The following IFT172 variants were observed in gnomAD, a reference collection of about 807,000 sequenced individuals.
The protein encoded by IFT172 is intraflagellar transport 172.
A neutral mutation model predicts 248.9 loss-of-function variants in IFT172; 164 were observed. The observed-to-expected ratio is 0.66, with a 90% CI of 0.58 to 0.75. IFT172 has a LOEUF of 0.75. Ranked by LOEUF, IFT172 falls within the 30% of genes least tolerant of loss-of-function variation. The pLI is 0.00. For missense variants in IFT172, 1,950 were observed against 2,192.4 expected, an observed-to-expected ratio of 0.89 and a Z score of 2.21; for synonymous variants, 729 against 791.6, an observed-to-expected ratio of 0.92 and a Z score of 1.33.
intron 35 of IFT172, chr2:27,453,053 C>T (rs554041762): frequency 2.9e-5 from 11 of 374,172 alleles, no homozygotes; most frequent in African/African-American, 1.5e-4. Context: ...CTTCACAGAG[C>T]CTTCCTGACC....
rs1346517687 is a variant in IFT172, at chr2:27,478,018, G to A, written c.1144C>T (p.Leu382=). ...ACCTCACTAAGCCGATTAGTGTTCA[G>A]GTCCCCCAGCAGCAGTGTTTCTGAT... is the stretch of plus-strand genomic sequence containing the variant. ...HTSETLLLGD[L]NTNRLSEIAW... is the part of the protein sequence containing the mutation. Residue 382 remains leucine (L), a synonymous_variant, in exon 11 of 48, where the codon CTG becomes TTG. Transcript: ENST00000260570. 33 of 1,613,984 alleles carry A rather than the reference G, an allele frequency of 2.0e-5. No homozygotes were observed. The East Asian group carries it at 6.5e-4, about 32-fold the overall frequency.
At position 27,454,307 on chromosome 2, in the gene IFT172, G is replaced by A. The variant is rs762791815; in HGVS notation, c.3530+47C>T. On this transcript the variant is annotated intron_variant, in intron 32 of 47. Coordinates refer to ENST00000260570, the MANE Select transcript of IFT172 (RefSeq NM_015662.3). This position sits in a 1 kb window ranked among gnomAD's most constrained non-coding sequence, Gnocchi z 4.2. ...TCAAGATAATCATGAAAGATCCTGG[G>A]ACGGTGACTGGGGAAACAGTATTAA... 1 of 1,611,666 alleles carries A rather than the reference G, an allele frequency of 6.2e-7. No homozygotes were observed. Among genetic ancestry groups the A allele is most frequent in the African/African-American group, 1.3e-5 (1 of 74,856 alleles).
At chr2:27,465,624 C>A (rs551064749) in intron 17 of IFT172, 106 bp from the exon 18 acceptor site, 1 of 1,536,876 alleles carries the variant, frequency 6.5e-7, no homozygotes, top group East Asian at 2.2e-5. Context: ...ATCTTTGTCT[C>A]ATCTCCTCCC....
At position 27,472,251 on chromosome 2, in the gene IFT172, C is replaced by A; in HGVS notation, c.1523G>T (p.Arg508Leu). Residue 508 changes from arginine (R) to leucine (L), a missense_variant and splice_region_variant, in exon 15 of 48, where the codon CGT becomes CTT. By Grantham distance (102) the Arg-to-Leu change is moderately radical (BLOSUM62 -2). Around this residue, in one of 3 missense-constraint regions of IFT172, gnomAD observed 1,166 missense variants for 1,254.1 expected, o/e 0.93. Transcript: ENST00000260570. ...TAAGGCCTTAGTAGCTCTTCTCACA[C>A]GAAGTTTCCGGTCCCTGAAGAGGAG... ...HKLLFRDRKL[R>L]LHLYDIESCS... 2 of 1,612,422 alleles carry A rather than the reference C, an allele frequency of 1.2e-6. No individual in the cohort carries two copies. The highest frequency in any genetic ancestry group is 1.7e-6 in the Non-Finnish European group (2 of 1,178,470).
At chr2:27,461,714 GCAGAA>G (rs1013227586) in intron 21 of IFT172, 40 bp downstream of exon 21, 37 of 1,611,368 alleles carry the variant, frequency 2.3e-5, no homozygotes, top group Non-Finnish European at 3.1e-5. Flanking sequence ...TTTGAAATTG[GCAGAA>G]CCAAATTCTG....
intron 29 of IFT172, 64 bp downstream of exon 29, chr2:27,457,574 GA>G: frequency 8.4e-6 from 12 of 1,433,442 alleles, no homozygotes; most frequent in South Asian, 1.2e-5. Context: ...GACCCTTTCT[GA>G]AAAAAAGGAA....
At chr2:27,462,862 G>T in intron 19 of IFT172, 69 bp from the exon 20 acceptor site, 1 of 1,461,212 alleles carries the variant, frequency 6.8e-7, no homozygotes, top group Non-Finnish European at 9.6e-7. Flanking sequence ...GGCTGAAATT[G>T]GAAGGCCAGA....
At chr2:27,481,913 G>A (rs1047636900) in intron 7 of IFT172, among the ~76,000 whole-genome samples, 7 of 151,848 alleles carry the variant, frequency 4.6e-5, no homozygotes, top group African/African-American at 1.5e-4. Flanking sequence ...AACCAACACC[G>A]TCTGGGCCCA....
intron 26 of IFT172, 149 bp downstream of exon 26, chr2:27,458,630 G>T: frequency 1.2e-6 from 1 of 801,588 alleles, no homozygotes; most frequent in Non-Finnish European, 1.9e-6. Flanking sequence ...CTTTCCCTAT[G>T]GCTAGGGATC....
intron 5 of IFT172, 65 bp from the exon 6 acceptor site, chr2:27,483,724 A>G: frequency 4.5e-6 from 7 of 1,565,150 alleles, no homozygotes; most frequent in Non-Finnish European, 6.1e-6. Flanking sequence ...GCCCTAAGAA[A>G]AAAAGGAAAA....
intron 25 of IFT172, 175 bp downstream of exon 25, chr2:27,459,203 T>A: frequency 1.3e-6 from 1 of 780,986 alleles, no homozygotes; most frequent in Non-Finnish European, 2.0e-6. Flanking sequence ...GATATCTGTG[T>A]CACACTGGAA....
At chr2:27,470,743 T>C (rs1160738883) in intron 16 of IFT172, 185 bp downstream of exon 16, 8 of 534,178 alleles carry the variant, frequency 1.5e-5, no homozygotes, top group South Asian at 4.0e-5. Flanking sequence ...GGGTCTAATA[T>C]AATGTCAGGA....
At position 27,459,389 on chromosome 2, in the gene IFT172, G is replaced by A. The variant is rs376069249; in HGVS notation, c.2776C>T (p.Gln926Ter). Residue 926 changes from glutamine to a stop codon, truncating the protein, a stop_gained, in exon 25 of 48, where the codon CAG becomes TAG. Transcript: ENST00000260570. LOFTEE classifies it high-confidence loss of function. ...PLVAQHYASL[Q>*]EYEIAEELYT... ...GGACTCTTCCTCACCTCATACTCCT[G>A]CAGGGATGCATAGTGTTGGGCCACG... 1 of 1,614,122 alleles carries A rather than the reference G, an allele frequency of 6.2e-7. No homozygotes were observed. Among genetic ancestry groups the A allele is most frequent in the East Asian group, 2.2e-5 (1 of 44,870 alleles).
intron 25 of IFT172, 171 bp downstream of exon 25, chr2:27,459,207 A>T: frequency 1.2e-6 from 1 of 800,368 alleles, no homozygotes. Flanking sequence ...TCTGTGTCAC[A>T]CTGGAATGAA....
chr2:27,462,158 G>A (rs899746489), intron 20 of IFT172, among the ~76,000 whole-genome samples: 8 of 151,982 alleles, frequency 5.3e-5, no homozygotes, highest in South Asian at 2.1e-4. Context: ...TCAGCCTCCC[G>A]AGTAGCTGGG....
chr2:27,463,041 A>G (rs1051389869), intron 19 of IFT172, 56 bp downstream of exon 19: 2 of 1,565,866 alleles, frequency 1.3e-6, no homozygotes, highest in Non-Finnish European at 1.8e-6. Flanking sequence ...GGGGCTGAAT[A>G]CTAAGAGAAA....
chr2:27,471,000 A>G lies in IFT172; in HGVS notation c.1620T>C (p.Ala540=). Residue 540 remains alanine, a synonymous_variant, in exon 16 of 48, where the codon GCT becomes GCC. Coordinates refer to ENST00000260570, the MANE Select transcript of IFT172 (RefSeq NM_015662.3). The part of the protein sequence containing the change: ...QWVPGSDVLV[A]QNRNSLCVWY... ...ATACACACAGACTGTTTCGGTTCTG[A>G]GCTACCAGCACGTCACTTCCTGGGA... is the stretch of plus-strand genomic sequence containing the variant. 6.2e-7 allele frequency: 1 copy of G among 1,614,032 alleles called. No individual in the cohort carries two copies. Among genetic ancestry groups the G allele is most frequent in the Non-Finnish European group, 8.5e-7 (1 of 1,179,998 alleles).
At chr2:27,460,866 C>A in intron 23 of IFT172, 149 bp downstream of exon 23, 1 of 806,306 alleles carries the variant, frequency 1.2e-6, no homozygotes, top group Non-Finnish European at 2.0e-6. Context: ...TACTTTGTCT[C>A]TGTGTCTTTT....
At chr2:27,482,069 C>T (rs1668420076) in intron 7 of IFT172, among the ~76,000 whole-genome samples, 1 of 151,500 alleles carries the variant, frequency 6.6e-6, no homozygotes. Context: ...CTGCAACCTC[C>T]CCTCCCGGGT....
Sources: allele counts gnomAD v4.1 joint callset (sites outside exome capture counted in the v4.1 genomes callset), GRCh38; gene constraint gnomAD v4.1.1; regional missense constraint gnomAD v4.1.1; non-coding constraint Gnocchi (gnomAD v3.1); transcripts MANE v1.5; gene names NCBI Gene and HGNC (gene_info 2026-07-23, HGNC 2026-07-21).